ITIH3: variants seen among roughly 807,000 people sequenced by gnomAD.
ITIH3 encodes the protein inter-alpha-trypsin inhibitor heavy chain 3.
ITIH3 carries 81 observed loss-of-function variants against 96.5 expected under a neutral mutation model. The observed-to-expected ratio is 0.84, with a 90% CI of 0.70 to 1.01. The LOEUF (loss-of-function observed/expected upper bound fraction) is 1.01. Among genes scored for constraint, ITIH3 ranks in the 50% least tolerant of loss-of-function variants. The probability of loss-of-function intolerance (pLI) is 0.00; values close to 1 mark genes in which losing one functional copy is unlikely to be tolerated. For synonymous variants in ITIH3, 422 were observed against 445.2 expected (o/e 0.95, Z 0.66); for missense variants, 1,057 against 1,139.3 (o/e 0.93, Z 1.04).
chr3:52,801,799 TA>T (rs1420299214), intron 11 of ITIH3, among the ~76,000 whole-genome samples: 1 of 152,226 alleles, frequency 6.6e-6, no homozygotes, highest in Non-Finnish European at 1.5e-5. Flanking sequence ...ATAACAGACA[TA>T]CCTACACTAA....
At chr3:52,797,023 A>G (rs1409064939) in intron 4 of ITIH3, 82 bp from the exon 5 acceptor site, 2 of 1,493,278 alleles carry the variant, frequency 1.3e-6, no homozygotes, top group Non-Finnish European at 1.8e-6. Flanking sequence ...CCCTCGCCAA[A>G]GGGCTGGGCC....
At chr3:52,805,687 C>T in intron 15 of ITIH3, 121 bp from the exon 16 acceptor site, 1 of 1,540,136 alleles carries the variant, frequency 6.5e-7, no homozygotes, top group Non-Finnish European at 8.7e-7. Flanking sequence ...CACATCTCCA[C>T]CTCTATCTGC....
rs761402342 is a variant in ITIH3 at position 52,808,599 on chromosome 3, T to C, written c.2591T>C (p.Val864Ala). The change falls in exon 22 of 22, where the codon GTT becomes GCT. Residue 864 changes from valine to alanine, a missense_variant. Val to Ala is a moderately conservative substitution (Grantham distance 64, BLOSUM62 0). Transcript: ENST00000449956. ...YRKDASIGTKVVCWFVHNNGE... is the reference protein window; with the variant it reads ...YRKDASIGTKAVCWFVHNNGE... ...AAGGATGCCAGCATCGGCACGAAGG[T>C]TGTCTGCTGGTTCGTCCACAACAAC... The C allele has an allele frequency of 1.9e-6, 3 of 1,613,986 alleles. No homozygotes were observed. Among genetic ancestry groups the C allele is most frequent in the Non-Finnish European group, 2.5e-6 (3 of 1,179,890 alleles).
chr3:52,802,776 A>G lies in ITIH3; in HGVS notation c.1679A>G (p.Tyr560Cys). Residue 560 changes from tyrosine to cysteine, a missense_variant, in exon 13 of 22, where the codon TAC (tyrosine) becomes TGC (cysteine). Tyr to Cys is a radical substitution (Grantham distance 194). Coordinates refer to ENST00000449956, the MANE Select transcript of ITIH3 (RefSeq NM_002217.4). ...FGNYIERLWAYLTIEQLLEKR... is the reference protein window; with the variant it reads ...FGNYIERLWACLTIEQLLEKR... ...AATTACATTGAGCGGCTCTGGGCCT[A>G]CCTCACCATTGAGCAGCTGCTGGAG... The G allele has an allele frequency of 6.2e-7, 1 of 1,613,922 alleles. No individual in the cohort carries two copies. The highest frequency in any genetic ancestry group is 8.5e-7 in the Non-Finnish European group (1 of 1,179,854).
intron 6 of ITIH3, 116 bp from the exon 7 acceptor site, chr3:52,798,850 C>T: frequency 7.5e-7 from 1 of 1,330,170 alleles, no homozygotes; most frequent in Non-Finnish European, 1.0e-6. Flanking sequence ...AGCCTCTGCC[C>T]TGCCAAGGGC....
chr3:52,797,021 A>C, intron 4 of ITIH3, 84 bp from the exon 5 acceptor site: 1 of 1,490,458 alleles, frequency 6.7e-7, no homozygotes, highest in Non-Finnish European at 9.1e-7. Context: ...CTCCCTCGCC[A>C]AAGGGCTGGG....
At position 52,807,781 on chromosome 3, in the gene ITIH3, G is replaced by T. The variant is rs1700109064; in HGVS notation, c.2296G>T (p.Val766Phe). The change falls in exon 20 of 22, where the codon GTC becomes TTC. Residue 766 changes from valine (V) to phenylalanine (F), a missense_variant. Val to Phe is a conservative substitution (Grantham distance 50, BLOSUM62 -1). Transcript: ENST00000449956. ...GATGATCAACAGGAAGAACATGGTG[G>T]TCTCCTTTGGAGATGGGGTTACCTT... ...SMMINRKNMV[V>F]SFGDGVTFVV... is the part of the protein sequence containing the mutation. The T allele has an allele frequency of 6.2e-7, 1 of 1,612,274 alleles. No homozygotes were observed. Among genetic ancestry groups the T allele is most frequent in the Non-Finnish European group, 8.5e-7 (1 of 1,179,268 alleles).
At chr3:52,802,269 C>T (rs1022946907) in intron 11 of ITIH3, 65 bp from the exon 12 acceptor site, 8 of 1,551,370 alleles carry the variant, frequency 5.2e-6, no homozygotes, top group African/African-American at 1.4e-5. Context: ...GCATGGATGC[C>T]CAGCTGCAGC....
intron 5 of ITIH3, 131 bp downstream of exon 5, chr3:52,797,398 C>G: frequency 1.0e-6 from 1 of 1,000,956 alleles, no homozygotes; most frequent in South Asian, 1.7e-5. Flanking sequence ...GCTGGGAAGG[C>G]TGGAGGAATT....
At chr3:52,801,369 G>A (rs374863969) in intron 11 of ITIH3, among the ~76,000 whole-genome samples, 1 of 152,200 alleles carries the variant, frequency 6.6e-6, no homozygotes, top group Non-Finnish European at 1.5e-5. Context: ...AGGACATCTG[G>A]TTCAATATGA....
rs574574345 is a variant in ITIH3 at position 52,805,999 on chromosome 3, C to T, written c.1907-104C>T. 3.1e-4 allele frequency: 433 copies of T among 1,417,700 alleles called. 1 individual carries two copies. The highest frequency in any genetic ancestry group is 7.4e-4 in the South Asian group (60 of 81,464). 87.8% of individuals were successfully genotyped at this position (1,417,700 alleles called of 1,614,324 possible). On this transcript the variant is annotated intron_variant, in intron 16 of 21. Coordinates refer to ENST00000449956, the MANE Select transcript of ITIH3 (RefSeq NM_002217.4). ...GTGGGAGGGCAATGGCATTAGCGAG[C>T]GGGAAGGGGAGGGGAGGGGCATAAG...
chr3:52,802,675 C>T lies in ITIH3; in HGVS notation c.1578C>T (p.Asn526=), dbSNP rs200474006. ...KADVKGHGAT[N]DLTFTEEVDM... ...TTCTACCCCCACCCTAGGCCACCAA[C>T]GACCTGACCTTCACAGAGGAGGTGG... Residue 526 remains asparagine, a synonymous_variant, in exon 13 of 22, where the codon AAC becomes AAT. Transcript: ENST00000449956. 3.8e-4 allele frequency: 607 copies of T among 1,613,902 alleles called. 2 individuals carry two copies. The East Asian group carries it at 7.4e-3, about 20-fold the overall frequency.
In ITIH3 at chr3:52,796,555, C is replaced by T. The variant is rs908179593; in HGVS notation, c.189C>T (p.Val63=). The T allele has an allele frequency of 2.5e-6, 4 of 1,613,662 alleles. No homozygotes were observed. The highest frequency in any genetic ancestry group is 1.7e-4 in the Middle Eastern group (1 of 6,026). The change falls in exon 3 of 22, where the codon GTC becomes GTT. Residue 63 remains valine (V), a synonymous_variant. Transcript: ENST00000449956. The part of the protein sequence containing the change: ...KVTSRFAHNV[V]TMRAVNRADT... ...CCTCCCGTTTTGCTCACAATGTTGT[C>T]ACCATGAGAGCCGTCAACCGTGCAG...
At chr3:52,802,581 G>C in intron 12 of ITIH3, 62 bp downstream of exon 12, 6 of 1,610,886 alleles carry the variant, frequency 3.7e-6, no homozygotes, top group Non-Finnish European at 4.2e-6. Flanking sequence ...GTAGGGCTCT[G>C]GCCTCATGAG....
At chr3:52,806,533 C>T in intron 18 of ITIH3, 127 bp downstream of exon 18, 1 of 719,992 alleles carries the variant, frequency 1.4e-6, no homozygotes. Context: ...TGCAAAGAAA[C>T]CCCTGGGGGT....
chr3:52,808,782 T>A lies in ITIH3; in HGVS notation c.*101T>A, dbSNP rs1700146649. On this transcript the variant is annotated 3_prime_UTR_variant, in exon 22 of 22. Transcript: ENST00000449956. ...TGTGGGAGGGGCTGGGAAAATAAAGTCCAAGGTCGAGACCAGACAGCTGCC... is the reference window on the plus strand; with the variant it reads ...TGTGGGAGGGGCTGGGAAAATAAAGACCAAGGTCGAGACCAGACAGCTGCC... 6.9e-7 allele frequency: 1 copy of A among 1,456,974 alleles called. No homozygotes were observed. The highest frequency in any genetic ancestry group is 1.4e-5 in the African/African-American group (1 of 71,912). The allele number at this position is 1,456,974 out of a possible 1,614,324, so 90.3% of individuals were successfully genotyped here.
At position 52,796,589 on chromosome 3, in the gene ITIH3, AAGG is replaced by A. The variant is rs1364587249; in HGVS notation, c.227_229del (p.Glu76del). On this transcript the variant is annotated inframe_deletion, in exon 3 of 22. Coordinates refer to ENST00000449956, the MANE Select transcript of ITIH3 (RefSeq NM_002217.4). Reference sequence around the variant, plus strand: ...AGCCGTCAACCGTGCAGACACGGCCAAGGAGGTTTCCTTTGATGTGGAGCTGCC... The same window carrying A: ...AGCCGTCAACCGTGCAGACACGGCCAAGGTTTCCTTTGATGTGGAGCTGCC... 5 of 1,613,326 alleles carry A rather than the reference AAGG, an allele frequency of 3.1e-6. No individual in the cohort carries two copies. The highest frequency in any genetic ancestry group is 4.2e-6 in the Non-Finnish European group (5 of 1,179,662).
rs1300826928 is a variant in ITIH3, at chr3:52,799,785, T to C, written c.939T>C (p.Asp313=). The change falls in exon 9 of 22, where the codon GAT becomes GAC. Residue 313 remains aspartate (D), a synonymous_variant. Coordinates refer to ENST00000449956, the MANE Select transcript of ITIH3 (RefSeq NM_002217.4). ...AGGCCCTTCTCAGAATCCTGGAAGA[T>C]ATGCAAGAGGAAGACTATCTGAATT... ...TKEALLRILE[D]MQEEDYLNFI... is the part of the protein sequence containing the mutation. 1.2e-6 allele frequency: 2 copies of C among 1,613,494 alleles called. No individual in the cohort carries two copies. The highest frequency in any genetic ancestry group is 4.5e-5 in the East Asian group (2 of 44,882).
chr3:52,801,278 T>G, intron 11 of ITIH3, 132 bp downstream of exon 11: 11 of 734,494 alleles, frequency 1.5e-5, no homozygotes, highest in Non-Finnish European at 2.1e-5. Flanking sequence ...GACTATCTCT[T>G]ACCCATCAGT....
Sources: allele counts gnomAD v4.1 joint callset (sites outside exome capture counted in the v4.1 genomes callset), GRCh38; gene constraint gnomAD v4.1.1; transcripts MANE v1.5; gene names NCBI Gene and HGNC (gene_info 2026-07-23, HGNC 2026-07-21).